The following AGTPBP1 variants were observed in gnomAD, a reference collection of about 807,000 sequenced individuals.
AGTPBP1 encodes ATP/GTP binding carboxypeptidase 1.
AGTPBP1 carries 70 observed loss-of-function variants against 143.9 expected under a neutral mutation model. That is an observed-to-expected ratio of 0.49 (90% CI 0.40 to 0.59). AGTPBP1 has a LOEUF of 0.59. Ranked by LOEUF, AGTPBP1 falls within the 20% of genes least tolerant of loss-of-function variation. The pLI is 0.00. For synonymous variants in AGTPBP1, 463 were observed against 500.2 expected (o/e 0.93, Z 0.99); for missense variants, 1,229 against 1,464.5 (o/e 0.84, Z 2.62).
chr9:85,721,459 G>A (rs1288281272), intron 1 of AGTPBP1, among the ~76,000 whole-genome samples: 1 of 143,664 alleles, frequency 7.0e-6, no homozygotes, highest in East Asian at 2.0e-4. Flanking sequence ...TTTAAAGTCT[G>A]TTTTATCAGA....
intron 14 of AGTPBP1, among the ~76,000 whole-genome samples, chr9:85,629,013 C>A (rs1242392872): frequency 1.3e-5 from 2 of 152,186 alleles, no homozygotes; most frequent in Admixed American, 1.3e-4. Context: ...CCACGCCCAG[C>A]CAACAACAGA....
chr9:85,736,461 T>C (rs1385249379), intron 1 of AGTPBP1, among the ~76,000 whole-genome samples: 1 of 152,180 alleles, frequency 6.6e-6, no homozygotes, highest in Non-Finnish European at 1.5e-5. Context: ...TTCGAAAGTA[T>C]ATATTATCAA....
At chr9:85,756,149 C>A in the AGTPBP1 span, 1 of 1,612,232 alleles carries the variant, frequency 6.2e-7, no homozygotes, top group African/African-American at 1.3e-5. Context: ...ATTAGAGGAG[C>A]TGGAAGCAGA....
intron 1 of AGTPBP1, among the ~76,000 whole-genome samples, chr9:85,732,181 T>C (rs1265125411): frequency 1.3e-5 from 2 of 151,972 alleles, no homozygotes; most frequent in Non-Finnish European, 2.9e-5. Flanking sequence ...ACACACATTT[T>C]TCTCTGCCTC....
At chr9:85,621,865 T>C (rs1830959806) in intron 14 of AGTPBP1, among the ~76,000 whole-genome samples, 2 of 152,166 alleles carry the variant, frequency 1.3e-5, no homozygotes, top group African/African-American at 4.8e-5. Context: ...ACTTAATCTC[T>C]CCCTGAATCA....
the AGTPBP1 span, among the ~76,000 whole-genome samples, chr9:85,751,046 A>G: frequency 6.6e-6 from 1 of 152,196 alleles, no homozygotes; most frequent in Non-Finnish European, 1.5e-5. Context: ...GGGCAATTGT[A>G]TATGGGTGTG....
At chr9:85,558,211 C>T (rs1826473732) in intron 25 of AGTPBP1, among the ~76,000 whole-genome samples, 1 of 152,118 alleles carries the variant, frequency 6.6e-6, no homozygotes, top group Non-Finnish European at 1.5e-5. Context: ...CAAAAGCATG[C>T]TAAGTGAATG....
chr9:85,563,084 A>G (rs1826847082), intron 25 of AGTPBP1, among the ~76,000 whole-genome samples: 2 of 152,228 alleles, frequency 1.3e-5, no homozygotes, highest in Non-Finnish European at 2.9e-5. Flanking sequence ...CCCTGTCTCC[A>G]GAACTGTAAG....
At chr9:85,766,515 G>A in the AGTPBP1 span, among the ~76,000 whole-genome samples, 1 of 152,102 alleles carries the variant, frequency 6.6e-6, no homozygotes, top group African/African-American at 2.4e-5. Context: ...TATTTCATGT[G>A]GGATCCCATA....
chr9:85,797,468 T>A, the AGTPBP1 span, among the ~76,000 whole-genome samples: 3 of 152,202 alleles, frequency 2.0e-5, no homozygotes, highest in African/African-American at 2.4e-5. Flanking sequence ...ACCAGAGTTG[T>A]GAAATTTTGT....
chr9:85,611,878 C>T (rs892844155), intron 17 of AGTPBP1, among the ~76,000 whole-genome samples: 4 of 152,080 alleles, frequency 2.6e-5, no homozygotes, highest in Admixed American at 2.6e-4. Flanking sequence ...GATGGGGTTT[C>T]ACCATGTTGG....
the AGTPBP1 span, among the ~76,000 whole-genome samples, chr9:85,748,347 T>A: frequency 6.6e-6 from 1 of 152,196 alleles, no homozygotes; most frequent in African/African-American, 2.4e-5. Flanking sequence ...CAGTCCTTTA[T>A]AAATGTGGGA....
intron 2 of AGTPBP1, among the ~76,000 whole-genome samples, chr9:85,699,555 G>A (rs1836509314): frequency 6.7e-6 from 1 of 150,000 alleles, no homozygotes; most frequent in Non-Finnish European, 1.5e-5. Context: ...TCAAATGCAG[G>A]CAATAAAGAC....
intron 2 of AGTPBP1, among the ~76,000 whole-genome samples, chr9:85,695,959 A>G (rs1409034442): frequency 6.6e-6 from 1 of 151,678 alleles, no homozygotes; most frequent in Non-Finnish European, 1.5e-5. Context: ...CTCCTGCCTC[A>G]GCCTCCCAAG....
chr9:85,741,007 G>C (rs1234887472), intron 1 of AGTPBP1, among the ~76,000 whole-genome samples: 3 of 152,180 alleles, frequency 2.0e-5, no homozygotes, highest in Non-Finnish European at 4.4e-5. Flanking sequence ...GTGCTCGTAA[G>C]AGGTTTATAC....
intron 1 of AGTPBP1, among the ~76,000 whole-genome samples, chr9:85,719,868 G>A (rs1041200735): frequency 6.6e-6 from 1 of 152,166 alleles, no homozygotes; most frequent in African/African-American, 2.4e-5. Flanking sequence ...TTTGTAACAT[G>A]AAAGGCTGTT....
At chr9:85,711,461 A>T in intron 2 of AGTPBP1, among the ~76,000 whole-genome samples, 1 of 142,386 alleles carries the variant, frequency 7.0e-6, no homozygotes, top group African/African-American at 2.6e-5. Context: ...TTTTTTTGAG[A>T]CAGAGTCTCA....
intron 11 of AGTPBP1, among the ~76,000 whole-genome samples, chr9:85,648,869 A>G (rs1305120453): frequency 6.6e-6 from 1 of 152,218 alleles, no homozygotes; most frequent in East Asian, 1.9e-4. Flanking sequence ...CTGCTTGGAA[A>G]GAAAGGGAGA....
intron 2 of AGTPBP1, among the ~76,000 whole-genome samples, chr9:85,699,621 A>T (rs1836516588): frequency 6.6e-6 from 1 of 151,870 alleles, no homozygotes; most frequent in Non-Finnish European, 1.5e-5. Flanking sequence ...AAACCATAAA[A>T]ACATACAAAA....
Sources: gnomAD v4.1 joint callset for allele counts (sites outside exome capture counted in the v4.1 genomes callset) on GRCh38, gnomAD v4.1.1 for gene constraint, MANE v1.5 for transcripts, NCBI Gene and HGNC (gene_info 2026-07-23, HGNC 2026-07-21) for gene names.